Variants in CHCHD3 observed in about 807,000 individuals in gnomAD.
CHCHD3 encodes coiled-coil-helix-coiled-coil-helix domain containing 3, also known as MICOS complex subunit MIC19.
A neutral mutation model predicts 38.2 loss-of-function variants in CHCHD3; 20 were observed. The observed-to-expected ratio is 0.52, with a 90% CI of 0.37 to 0.76. CHCHD3 has a LOEUF of 0.76. Ranked by LOEUF, CHCHD3 falls within the 30% of genes least tolerant of loss-of-function variation. CHCHD3 has a pLI of 0.00. For missense variants in CHCHD3, 245 were observed against 279.2 expected (o/e 0.88, Z 0.87); for synonymous variants, 82 against 100.0 (o/e 0.82, Z 1.07).
intron 6 of CHCHD3, among the ~76,000 whole-genome samples, chr7:132,820,977 T>C (rs1345890718): frequency 6.6e-6 from 1 of 152,246 alleles, no homozygotes; most frequent in Non-Finnish European, 1.5e-5. Flanking sequence ...GTAGTTCTCA[T>C]GTAGCATATT....
intron 5 of CHCHD3, among the ~76,000 whole-genome samples, chr7:132,844,791 A>C (rs1415035893): frequency 6.6e-6 from 1 of 152,228 alleles, no homozygotes. Flanking sequence ...CTAGGAGGTA[A>C]ACTATATCTA....
intron 4 of CHCHD3, among the ~76,000 whole-genome samples, chr7:132,887,936 C>T (rs1585606568): frequency 6.6e-6 from 1 of 151,772 alleles, no homozygotes; most frequent in African/African-American, 2.4e-5. Flanking sequence ...AAAAACTCTA[C>T]TTATGGTACT....
chr7:133,025,958 T>C (rs1272010347), intron 2 of CHCHD3, among the ~76,000 whole-genome samples: 1 of 152,234 alleles, frequency 6.6e-6, no homozygotes, highest in African/African-American at 2.4e-5. Context: ...TTTCAAATAT[T>C]TCATTGGCAT....
chr7:132,880,821 C>CA (rs148660625), intron 5 of CHCHD3, among the ~76,000 whole-genome samples: 4,605 of 151,470 alleles, frequency 0.03, 88 homozygotes, highest in Non-Finnish European at 0.047. Flanking sequence ...GTTGGGAAAA[C>CA]AAAAAAAACA....
At chr7:133,017,350 G>A (rs140245175) in intron 3 of CHCHD3, among the ~76,000 whole-genome samples, 276 of 152,314 alleles carry the variant, frequency 1.8e-3, no homozygotes, top group African/African-American at 6.3e-3. Context: ...TCAGTCATCT[G>A]TTTTTATAAA....
At chr7:132,987,206 T>G (rs1180415469) in intron 3 of CHCHD3, among the ~76,000 whole-genome samples, 3 of 152,130 alleles carry the variant, frequency 2.0e-5, no homozygotes, top group Non-Finnish European at 2.9e-5. Flanking sequence ...TCAGACATGA[T>G]AATCTATGAA....
At chr7:132,797,221 A>G (rs1360010390) in intron 6 of CHCHD3, among the ~76,000 whole-genome samples, 1 of 151,822 alleles carries the variant, frequency 6.6e-6, no homozygotes, top group East Asian at 1.9e-4. Context: ...AAGCCTGGAC[A>G]AACCCAATTC....
chr7:132,989,841 G>A (rs1471010694), intron 3 of CHCHD3, among the ~76,000 whole-genome samples: 1 of 151,982 alleles, frequency 6.6e-6, no homozygotes, highest in African/African-American at 2.4e-5. Context: ...AATATTTAGA[G>A]GCATCTTAAA....
chr7:133,023,738 C>T (rs566866824), intron 3 of CHCHD3, among the ~76,000 whole-genome samples: 1 of 152,128 alleles, frequency 6.6e-6, no homozygotes, highest in East Asian at 1.9e-4. Context: ...AAAAAAAATG[C>T]TTTTTTAAAA....
intron 1 of CHCHD3, among the ~76,000 whole-genome samples, chr7:133,074,414 G>C (rs1814916697): frequency 2.0e-5 from 3 of 152,186 alleles, no homozygotes; most frequent in Admixed American, 6.5e-5. Context: ...GCCAGAGCCA[G>C]CTGCATCCTT....
At position 132,785,808 on chromosome 7, in the gene CHCHD3, T is replaced by C. The variant is rs1047211549; in HGVS notation, c.661-148A>G. On this transcript the variant is annotated intron_variant, in intron 7 of 7. Coordinates refer to ENST00000262570, the MANE Select transcript of CHCHD3 (RefSeq NM_017812.4). ...AGGCATATGCTTCCTGTTCTCAAAATATTGCTCCTTTAATCAACACCATTG... is the reference window on the plus strand; with the variant it reads ...AGGCATATGCTTCCTGTTCTCAAAACATTGCTCCTTTAATCAACACCATTG... 6 of 805,882 alleles carry C rather than the reference T, an allele frequency of 7.4e-6. No individual in the cohort carries two copies. In the East Asian group the frequency reaches 1.2e-4, roughly 17 times the overall value. The allele number at this position is 805,882 out of a possible 1,614,324, so 49.9% of individuals were successfully genotyped here. A position where few individuals can be genotyped will look rare whatever the true frequency, so the allele number is the denominator to read the frequency against.
At chr7:132,830,126 A>C (rs1807605662) in intron 6 of CHCHD3, among the ~76,000 whole-genome samples, 1 of 152,214 alleles carries the variant, frequency 6.6e-6, no homozygotes, top group Non-Finnish European at 1.5e-5. Context: ...ATCTGATTTG[A>C]AGGGCTCCAA....
chr7:132,885,821 A>G (rs1173873393), intron 4 of CHCHD3, 76 bp from the exon 5 acceptor site: 5 of 1,031,444 alleles, frequency 4.8e-6, no homozygotes, highest in Non-Finnish European at 7.0e-6. Context: ...AATAAATTGC[A>G]TTAGAAATAA....
intron 3 of CHCHD3, among the ~76,000 whole-genome samples, chr7:132,980,284 C>T (rs999168770): frequency 5.9e-5 from 9 of 152,190 alleles, no homozygotes; most frequent in Non-Finnish European, 1.0e-4. Flanking sequence ...TAAAATAAGT[C>T]TCTCATTATT....
intron 4 of CHCHD3, among the ~76,000 whole-genome samples, chr7:132,900,954 G>C (rs1482418625): frequency 6.6e-6 from 1 of 152,168 alleles, no homozygotes; most frequent in African/African-American, 2.4e-5. Flanking sequence ...TAGCACCACT[G>C]AACTCCAGCC....
chr7:132,968,586 G>A (rs555466613), intron 4 of CHCHD3, among the ~76,000 whole-genome samples: 28 of 152,300 alleles, frequency 1.8e-4, no homozygotes, highest in African/African-American at 6.3e-4. Flanking sequence ...TACATAACCA[G>A]AGAGAGTTTT....
chr7:132,811,485 T>G (rs1213939474), intron 6 of CHCHD3, among the ~76,000 whole-genome samples: 1 of 152,254 alleles, frequency 6.6e-6, no homozygotes, highest in Non-Finnish European at 1.5e-5. Context: ...GTGGCTACCA[T>G]GTTGTTGGAA....
chr7:133,070,319 T>A, intron 1 of CHCHD3, 90 bp from the exon 2 acceptor site: 4 of 983,426 alleles, frequency 4.1e-6, no homozygotes, highest in Non-Finnish European at 6.2e-6. Context: ...GTCATCCATA[T>A]CCATACATAT....
At chr7:132,941,214 T>G (rs1433539622) in intron 4 of CHCHD3, among the ~76,000 whole-genome samples, 1 of 152,150 alleles carries the variant, frequency 6.6e-6, no homozygotes, top group Non-Finnish European at 1.5e-5. Context: ...ATGATAACAG[T>G]TCTTGGATTC....
Sources: gnomAD v4.1 joint callset for allele counts (sites outside exome capture counted in the v4.1 genomes callset) on GRCh38, gnomAD v4.1.1 for gene constraint, MANE v1.5 for transcripts, NCBI Gene and HGNC (gene_info 2026-07-23, HGNC 2026-07-21) for gene names.